Variants in LCOR observed in about 807,000 individuals in gnomAD.
LCOR encodes the protein ligand-dependent corepressor.
A neutral mutation model predicts 64.4 loss-of-function variants in LCOR; 14 were observed. That is an observed-to-expected ratio of 0.22 (90% CI 0.14 to 0.34). LCOR has a LOEUF of 0.34. Among genes scored for constraint, LCOR ranks in the 10% least tolerant of loss-of-function variants. The pLI is 1.00. For missense variants in LCOR, 1,686 were observed against 1,765.3 expected, an observed-to-expected ratio of 0.96 and a Z score of 0.80; for synonymous variants, 643 against 642.5, an observed-to-expected ratio of 1.00 and a Z score of -0.01.
rs1215956221 is a variant in LCOR, at chr10:96,984,785, G to C, written c.4325G>C (p.Arg1442Thr). ...PAAKRPAARD[R>T]SSQPPKKTSL... is the part of the protein sequence containing the mutation. ...GCCAAGAGGCCAGCTGCAAGGGACAGAAGCAGCCAACCCCCCAAAAAGACG... is the reference window on the plus strand; with the variant it reads ...GCCAAGAGGCCAGCTGCAAGGGACACAAGCAGCCAACCCCCCAAAAAGACG... The change falls in exon 8 of 8, where the codon AGA becomes ACA. Residue 1442 changes from arginine (R) to threonine (T), a missense_variant. Arg to Thr is a moderately conservative substitution (Grantham distance 71, BLOSUM62 -1). Around this residue, in one of 3 missense-constraint regions of LCOR, gnomAD observed 1,293 missense variants for 1,410.4 expected, o/e 0.92. Transcript: ENST00000421806. 6.2e-7 allele frequency: 1 copy of C among 1,613,966 alleles called. No individual in the cohort carries two copies. The highest frequency in any genetic ancestry group is 1.3e-5 in the African/African-American group (1 of 74,892).
rs1848147321 is a variant in LCOR at position 96,986,067 on chromosome 10, A to G, written c.*933A>G. On this transcript the variant is annotated 3_prime_UTR_variant, in exon 8 of 8. Coordinates refer to ENST00000421806, the MANE Select transcript of LCOR (RefSeq NM_001346516.2). ...CTTACCCAGAGTACTTCCATATTCA[A>G]AGAAAGCCGAACTATTATTTCCAGT... 6.0e-6 allele frequency: 1 copy of G among 167,072 alleles called. No homozygotes were observed. The highest frequency in any genetic ancestry group is 1.5e-5 in the Non-Finnish European group (1 of 68,118). 10.3% of individuals were successfully genotyped at this position (167,072 alleles called of 1,614,324 possible).
chr10:96,929,598 ACTT>A (rs1323899159), intron 4 of LCOR, among the ~76,000 whole-genome samples: 3 of 152,238 alleles, frequency 2.0e-5, no homozygotes, highest in African/African-American at 7.2e-5. Flanking sequence ...AAGCTGTTTT[ACTT>A]TGTCATTTTT....
intron 2 of LCOR, among the ~76,000 whole-genome samples, chr10:96,890,167 A>G (rs1846415977): frequency 6.6e-6 from 1 of 151,968 alleles, no homozygotes; most frequent in Admixed American, 6.6e-5. Flanking sequence ...CAGTGGCATG[A>G]TCCTAGTTCA....
chr10:96,923,566 T>C (rs1020460970), intron 4 of LCOR, among the ~76,000 whole-genome samples: 2 of 152,220 alleles, frequency 1.3e-5, no homozygotes, highest in African/African-American at 4.8e-5. Context: ...TTTAATCTTA[T>C]CACCCAAAAC....
At chr10:96,941,012 G>T (rs1252698233) in intron 4 of LCOR, among the ~76,000 whole-genome samples, 1,824 of 119,072 alleles carry the variant, frequency 0.015, 21 homozygotes, top group Non-Finnish European at 0.02. Context: ...GCGGCCGGCC[G>T]GGCGGGGGGC....
At chr10:96,844,780 A>G (rs1376440574) in intron 2 of LCOR, among the ~76,000 whole-genome samples, 2 of 152,206 alleles carry the variant, frequency 1.3e-5, no homozygotes, top group South Asian at 2.1e-4. Context: ...TACTGATTCT[A>G]CGCCTACAGA....
At chr10:96,929,613 T>G (rs1435967073) in intron 4 of LCOR, among the ~76,000 whole-genome samples, 2 of 152,254 alleles carry the variant, frequency 1.3e-5, no homozygotes, top group Non-Finnish European at 2.9e-5. Flanking sequence ...GTCATTTTTG[T>G]GTTCACTGGA....
intron 2 of LCOR, among the ~76,000 whole-genome samples, chr10:96,865,553 C>T (rs891045601): frequency 1.3e-5 from 2 of 151,852 alleles, no homozygotes; most frequent in Non-Finnish European, 2.9e-5. Flanking sequence ...TGTATACACC[C>T]CTATGGCCAT....
chr10:96,952,826 AG>A (rs1847704571), intron 7 of LCOR, among the ~76,000 whole-genome samples: 1 of 152,190 alleles, frequency 6.6e-6, no homozygotes. Flanking sequence ...ATAACCAACT[AG>A]AAAAGTCAGG....
In LCOR at chr10:96,856,751, AC is replaced by A. The variant is rs574078408; in HGVS notation, c.-330+23273del. 1.9e-3 allele frequency among the ~76,000 whole-genome samples: 282 copies of A among 152,202 alleles called. 1 individual carries two copies. Among genetic ancestry groups the A allele is most frequent in the African/African-American group, 6.6e-3 (276 of 41,528 alleles). ...CTTGGCCTCCCAAAGTGCTGGAATT[AC>A]AGGTGTGAGCCACTGTGCCCAGCTA... On this transcript the variant is annotated intron_variant, in intron 2 of 7. Transcript: ENST00000421806.
chr10:96,961,918 G>A (rs1231458061), intron 7 of LCOR: 1 of 150,628 alleles, frequency 6.6e-6, no homozygotes, highest in Non-Finnish European at 1.5e-5. Context: ...GCTTGGTGGT[G>A]GAAGGTTATA....
At chr10:96,861,889 C>T (rs949627218) in intron 2 of LCOR, among the ~76,000 whole-genome samples, 3 of 152,124 alleles carry the variant, frequency 2.0e-5, no homozygotes, top group African/African-American at 7.2e-5. Flanking sequence ...ACCATCAGAT[C>T]CCACATGTAA....
chr10:96,850,281 GGCTCA>G, intron 2 of LCOR, among the ~76,000 whole-genome samples: 1 of 152,232 alleles, frequency 6.6e-6, no homozygotes, highest in Middle Eastern at 3.4e-3. Context: ...CGGGCGCAGT[GGCTCA>G]CGCCTGTAAT....
rs1239072150 is a variant in LCOR, at chr10:96,983,608, G to A, written c.3148G>A (p.Gly1050Ser). Residue 1050 changes from glycine to serine, a missense_variant, in exon 8 of 8, where the codon GGC becomes AGC. Coordinates refer to ENST00000421806, the MANE Select transcript of LCOR (RefSeq NM_001346516.2). This position sits in a 1 kb window ranked among gnomAD's most constrained non-coding sequence, Gnocchi z 4.5. ...TYNLRHAHSL[G>S]SLDASKVTSE... ...CAACCTAAGACACGCTCATTCTCTG[G>A]GCTCCTTGGATGCTTCAAAAGTGAC... is the stretch of plus-strand genomic sequence containing the variant. 1.9e-6 allele frequency: 3 copies of A among 1,614,154 alleles called. No homozygotes were observed. Among genetic ancestry groups the A allele is most frequent in the East Asian group, 2.2e-5 (1 of 44,888 alleles).
At chr10:96,953,825 G>A (rs1354391649) in intron 7 of LCOR, among the ~76,000 whole-genome samples, 1 of 152,192 alleles carries the variant, frequency 6.6e-6, no homozygotes, top group Non-Finnish European at 1.5e-5. Context: ...TGTTACTGAT[G>A]ATAGTAGTCC....
intron 7 of LCOR, chr10:96,961,532 T>C (rs941694953): frequency 2.6e-5 from 4 of 152,164 alleles, no homozygotes; most frequent in African/African-American, 9.6e-5. Flanking sequence ...TTAAACTTTT[T>C]AGATTTGTCT....
chr10:96,838,302 C>T (rs11188939), intron 2 of LCOR, among the ~76,000 whole-genome samples: 22,083 of 151,840 alleles, frequency 0.15, 2,251 homozygotes, highest in African/African-American at 0.28. Flanking sequence ...TTTATTTTTT[C>T]TCAGCAGTGG....
intron 5 of LCOR, 47 bp downstream of exon 5, chr10:96,944,292 A>G: frequency 3.2e-6 from 3 of 935,226 alleles, no homozygotes; most frequent in South Asian, 4.9e-5. Context: ...GTCTTGTATT[A>G]TTGATCTCCT....
intron 4 of LCOR, among the ~76,000 whole-genome samples, chr10:96,919,531 C>T (rs1288453860): frequency 6.6e-6 from 1 of 151,928 alleles, no homozygotes; most frequent in African/African-American, 2.4e-5. Flanking sequence ...ATAACATTTA[C>T]TATCTTAACC....
Sources: allele counts gnomAD v4.1 joint callset (sites outside exome capture counted in the v4.1 genomes callset), GRCh38; gene constraint gnomAD v4.1.1; regional missense constraint gnomAD v4.1.1; non-coding constraint Gnocchi (gnomAD v3.1); transcripts MANE v1.5; gene names NCBI Gene and HGNC (gene_info 2026-07-23, HGNC 2026-07-21).